Variants in FGGY observed in about 807,000 individuals in gnomAD.
The protein encoded by FGGY is FGGY carbohydrate kinase domain containing, also known as FGGY carbohydrate kinase domain-containing protein.
In FGGY, 72 loss-of-function variants were observed where a neutral mutation model predicts 71.3. That is an observed-to-expected ratio of 1.01 (90% CI 0.84 to 1.23). The LOEUF is 1.23. FGGY is among the 50% of genes most tolerant of loss of function. The pLI, the probability that FGGY is intolerant of heterozygous loss-of-function variation, is 0.00. For synonymous variants in FGGY, 251 were observed against 250.3 expected (o/e 1.00, Z -0.02); for missense variants, 668 against 682.3 (o/e 0.98, Z 0.23).
chr1:59,367,554 G>C (rs1218810262), intron 4 of FGGY, among the ~76,000 whole-genome samples: 1 of 152,222 alleles, frequency 6.6e-6, no homozygotes. Flanking sequence ...AGATAACCCA[G>C]ATAGAATCCC....
chr1:59,614,566 G>A (rs368155247), intron 9 of FGGY, among the ~76,000 whole-genome samples: 1 of 152,174 alleles, frequency 6.6e-6, no homozygotes, highest in Non-Finnish European at 1.5e-5. Flanking sequence ...AAAACTGGAA[G>A]CATTCCCTTT....
At chr1:59,492,447 T>G in intron 6 of FGGY, among the ~76,000 whole-genome samples, 1 of 152,146 alleles carries the variant, frequency 6.6e-6, no homozygotes, top group Non-Finnish European at 1.5e-5. Context: ...TCTGCCAGTA[T>G]TTTTGGATTT....
At chr1:59,442,572 C>T (rs1429516054) in intron 5 of FGGY, among the ~76,000 whole-genome samples, 4 of 151,984 alleles carry the variant, frequency 2.6e-5, no homozygotes, top group Non-Finnish European at 5.9e-5. Flanking sequence ...ATGTTTTTAC[C>T]TCTTTGTCTT....
At chr1:59,463,118 CTATGCAGCCTATACACCATGGAA>C (rs1293978923) in intron 6 of FGGY, among the ~76,000 whole-genome samples, 3 of 150,780 alleles carry the variant, frequency 2.0e-5, no homozygotes, top group African/African-American at 4.9e-5. Context: ...CCATGGAATA[CTATGCAGCCTATACACCATGGAA>C]TACTATGCAG....
chr1:59,455,997 A>G (rs1348287312), intron 5 of FGGY, among the ~76,000 whole-genome samples: 1 of 152,234 alleles, frequency 6.6e-6, no homozygotes. Context: ...TCTTCCTCCT[A>G]TTAAATATTG....
chr1:59,718,772 G>C (rs76249167), intron 14 of FGGY, among the ~76,000 whole-genome samples: 3,890 of 152,274 alleles, frequency 0.026, 76 homozygotes, highest in Middle Eastern at 0.044. Context: ...CATGGGGTCA[G>C]AGACCTTGCA....
At chr1:59,744,468 G>C (rs1017981214) in intron 14 of FGGY, among the ~76,000 whole-genome samples, 1 of 152,136 alleles carries the variant, frequency 6.6e-6, no homozygotes, top group Non-Finnish European at 1.5e-5. Context: ...TGATCCACCC[G>C]CCTCAGCCTT....
At chr1:59,619,356 C>T (rs2096787023) in intron 9 of FGGY, among the ~76,000 whole-genome samples, 1 of 151,930 alleles carries the variant, frequency 6.6e-6, no homozygotes, top group Non-Finnish European at 1.5e-5. Flanking sequence ...TAAATAAATT[C>T]CACTTTATGG....
chr1:59,392,729 C>A (rs930552710), intron 5 of FGGY, among the ~76,000 whole-genome samples: 1 of 151,968 alleles, frequency 6.6e-6, no homozygotes, highest in Admixed American at 6.6e-5. Flanking sequence ...AAAAAATATA[C>A]CTTCTTTTAA....
At chr1:59,587,486 T>G (rs920264102) in intron 8 of FGGY, among the ~76,000 whole-genome samples, 1 of 152,164 alleles carries the variant, frequency 6.6e-6, no homozygotes, top group Non-Finnish European at 1.5e-5. Flanking sequence ...ACGGGCAGAC[T>G]GCCTCCTCAA....
At chr1:59,369,240 A>AG (rs1027488879) in intron 4 of FGGY, among the ~76,000 whole-genome samples, 14 of 152,160 alleles carry the variant, frequency 9.2e-5, no homozygotes, top group African/African-American at 2.6e-4. Flanking sequence ...GGCTTAAAAA[A>AG]CGGCGCACCA....
rs542151923 is a variant in FGGY at position 59,348,454 on chromosome 1, G to A, written c.465+2056G>A. Among the ~76,000 whole-genome samples, 91 of 152,250 alleles carry A rather than the reference G, an allele frequency of 6.0e-4. 1 individual carries two copies. In the Middle Eastern group the frequency reaches 0.01, roughly 17 times the overall value. On this transcript the variant is annotated intron_variant, in intron 4 of 15. Transcript: ENST00000303721. The stretch of plus-strand genomic sequence containing the variant: ...GACTTCTTTCTGAAGTGTGGAGAAT[G>A]GTGATGTCAGCTTAATGGTTCCCAT...
At chr1:59,708,173 G>C (rs1338274131) in intron 14 of FGGY, among the ~76,000 whole-genome samples, 1 of 152,152 alleles carries the variant, frequency 6.6e-6, no homozygotes, top group Non-Finnish European at 1.5e-5. Context: ...TAAAGGGAGG[G>C]ACTGCAATGT....
chr1:59,729,298 A>G (rs1401774474), intron 14 of FGGY, among the ~76,000 whole-genome samples: 1 of 152,110 alleles, frequency 6.6e-6, no homozygotes, highest in Non-Finnish European at 1.5e-5. Context: ...TTTTTCTATT[A>G]GAACACTTAT....
intron 12 of FGGY, among the ~76,000 whole-genome samples, chr1:59,665,063 G>T (rs940428779): frequency 6.6e-6 from 1 of 152,170 alleles, no homozygotes; most frequent in South Asian, 2.1e-4. Flanking sequence ...AATTCATGCC[G>T]TTAGAGCAGA....
chr1:59,397,662 G>GT (rs1557793913), intron 5 of FGGY, among the ~76,000 whole-genome samples: 1 of 135,752 alleles, frequency 7.4e-6, no homozygotes, highest in East Asian at 1.9e-4. Flanking sequence ...CACTTCACAG[G>GT]TGGGTGGGTG....
intron 7 of FGGY, among the ~76,000 whole-genome samples, chr1:59,538,525 C>G (rs1013084964): frequency 1.5e-4 from 22 of 148,410 alleles, no homozygotes; most frequent in African/African-American, 4.4e-4. Flanking sequence ...AATCATGCTG[C>G]TATAAAGACA....
chr1:59,462,962 A>G (rs539552220), intron 6 of FGGY, among the ~76,000 whole-genome samples: 1 of 152,046 alleles, frequency 6.6e-6, no homozygotes, highest in Non-Finnish European at 1.5e-5. Context: ...TACTGGGTAT[A>G]TACCCAAAGG....
intron 11 of FGGY, among the ~76,000 whole-genome samples, chr1:59,653,919 G>C (rs1176173514): frequency 6.6e-6 from 1 of 152,082 alleles, no homozygotes; most frequent in African/African-American, 2.4e-5. Context: ...TTTCTCTTCT[G>C]CTTTTAAGAG....
Sources: gnomAD v4.1 joint callset for allele counts (sites outside exome capture counted in the v4.1 genomes callset) on GRCh38, gnomAD v4.1.1 for gene constraint, MANE v1.5 for transcripts, NCBI Gene and HGNC (gene_info 2026-07-23, HGNC 2026-07-21) for gene names.